RSRC1: variants seen among roughly 807,000 people sequenced by gnomAD.
RSRC1 encodes serine/Arginine-related protein 53.
Under a neutral mutation model 49.1 loss-of-function variants are expected in RSRC1, and 39 were observed. The ratio of observed to expected loss-of-function variants is 0.79; its 90% CI spans 0.61 to 1.04. The LOEUF is 1.04. Among genes scored for constraint, RSRC1 ranks in the 50% least tolerant of loss-of-function variants. The pLI, the probability that RSRC1 is intolerant of heterozygous loss-of-function variation, is 0.00. For missense variants in RSRC1, 388 were observed against 402.4 expected, an observed-to-expected ratio of 0.96 and a Z score of 0.31; for synonymous variants, 143 against 130.8, an observed-to-expected ratio of 1.09 and a Z score of -0.63.
intron 4 of RSRC1, among the ~76,000 whole-genome samples, chr3:158,207,663 A>G (rs1721419210): frequency 2.6e-5 from 1 of 38,690 alleles, no homozygotes; most frequent in Non-Finnish European, 4.8e-5. Context: ...ATAGATAGAT[A>G]GACAGAGAGA....
At chr3:158,128,914 T>C (rs1715807369) in intron 3 of RSRC1, among the ~76,000 whole-genome samples, 1 of 152,162 alleles carries the variant, frequency 6.6e-6, no homozygotes, top group Admixed American at 6.6e-5. Flanking sequence ...AGCTATGCAT[T>C]TTTGGCAAGA....
At chr3:158,450,074 G>C (rs916565091) in intron 6 of RSRC1, among the ~76,000 whole-genome samples, 1 of 151,904 alleles carries the variant, frequency 6.6e-6, no homozygotes, top group Non-Finnish European at 1.5e-5. Flanking sequence ...ACAGGGGTTT[G>C]TTTTTCCATT....
In RSRC1 at chr3:158,355,569, G is replaced by C. The variant is rs113304953; in HGVS notation, c.583+661G>C. Among the ~76,000 whole-genome samples the C allele has an allele frequency of 7.3e-3, 1,107 of 151,894 alleles. 16 individuals are homozygous for C. Among genetic ancestry groups the C allele is most frequent in the African/African-American group, 0.026 (1,074 of 41,460 alleles). ...GGATACCATGTACTCTTCAAGTGCT[G>C]TATGTTTTATTTCTCAAGGTACTAT... On this transcript the variant is annotated intron_variant, in intron 6 of 9. Transcript: ENST00000611884.
chr3:158,160,534 G>A (rs28569912), intron 3 of RSRC1, among the ~76,000 whole-genome samples: 2 of 152,072 alleles, frequency 1.3e-5, no homozygotes, highest in Non-Finnish European at 2.9e-5. Context: ...AAAATAAATT[G>A]TCATGAAAAT....
At chr3:158,454,421 G>A (rs1025856809) in intron 6 of RSRC1, among the ~76,000 whole-genome samples, 2 of 152,004 alleles carry the variant, frequency 1.3e-5, no homozygotes. Context: ...CTTCAATAAT[G>A]ATAATATTGT....
chr3:158,535,465 T>C (rs1043785396), intron 7 of RSRC1, among the ~76,000 whole-genome samples: 13 of 151,390 alleles, frequency 8.6e-5, no homozygotes, highest in African/African-American at 2.9e-4. Context: ...CTTCTAAAAG[T>C]ATGTACTTCA....
chr3:158,170,415 A>C (rs1325269217), intron 3 of RSRC1, among the ~76,000 whole-genome samples: 2 of 152,014 alleles, frequency 1.3e-5, no homozygotes, highest in Non-Finnish European at 2.9e-5. Flanking sequence ...ACAAGAAAGC[A>C]TACCTGTGAA....
intron 5 of RSRC1, among the ~76,000 whole-genome samples, chr3:158,326,621 A>G (rs908122021): frequency 2.6e-5 from 4 of 151,676 alleles, no homozygotes; most frequent in Non-Finnish European, 5.9e-5. Context: ...GTGCTGCTGG[A>G]TTTGGTTTGC....
At chr3:158,221,929 T>C (rs993883205) in intron 4 of RSRC1, among the ~76,000 whole-genome samples, 14 of 151,566 alleles carry the variant, frequency 9.2e-5, no homozygotes, top group African/African-American at 3.4e-4. Flanking sequence ...ACTTCCAACA[T>C]TTTCAGTATT....
chr3:158,254,875 A>G (rs1433889987), intron 4 of RSRC1, among the ~76,000 whole-genome samples: 1 of 152,110 alleles, frequency 6.6e-6, no homozygotes, highest in African/African-American at 2.4e-5. Context: ...TCTTTTGAGA[A>G]GTGTCTATTC....
chr3:158,229,422 A>G (rs1173973213), intron 4 of RSRC1, among the ~76,000 whole-genome samples: 1 of 149,798 alleles, frequency 6.7e-6, no homozygotes, highest in Non-Finnish European at 1.5e-5. Flanking sequence ...ATGTGTATGT[A>G]TGTATGTATA....
chr3:158,438,004 A>G (rs908661920), intron 6 of RSRC1, among the ~76,000 whole-genome samples: 2 of 152,226 alleles, frequency 1.3e-5, no homozygotes, highest in Admixed American at 6.5e-5. Flanking sequence ...GAAAATCACA[A>G]GCATTCCTAT....
intron 5 of RSRC1, among the ~76,000 whole-genome samples, chr3:158,340,916 A>C (rs1730200859): frequency 6.6e-6 from 1 of 152,228 alleles, no homozygotes; most frequent in Non-Finnish European, 1.5e-5. Flanking sequence ...AGGTGGTCAC[A>C]GATGGAGATG....
rs1230649090 is a variant in RSRC1, at chr3:158,353,995, C to CTTTTTTTTTTTTT, written c.532-853_532-841dup. On this transcript the variant is annotated intron_variant, in intron 5 of 9. Coordinates refer to ENST00000611884, the MANE Select transcript of RSRC1 (RefSeq NM_001271838.2). ...TAGGAAATTAGTTTAGTTTCTTTTT[C>CTTTTTTTTTTTTT]TTTTTTTTTTTTTTTTTTTTTGAGA... 6.2e-5 allele frequency among the ~76,000 whole-genome samples: 6 copies of CTTTTTTTTTTTTT among 96,300 alleles called. 1 individual carries two copies. The highest frequency in any genetic ancestry group is 8.2e-5 in the African/African-American group (2 of 24,272). 63.2% of individuals were successfully genotyped at this position (96,300 alleles called of 152,430 possible). A position where few individuals can be genotyped will look rare whatever the true frequency, so the allele number is the denominator to read the frequency against.
chr3:158,240,520 G>A (rs1288482621), intron 4 of RSRC1, among the ~76,000 whole-genome samples: 2 of 152,030 alleles, frequency 1.3e-5, no homozygotes, highest in Admixed American at 6.6e-5. Context: ...ATACATTGCT[G>A]GATTTGGTTT....
At chr3:158,442,274 A>G (rs925233580) in intron 6 of RSRC1, among the ~76,000 whole-genome samples, 3 of 152,116 alleles carry the variant, frequency 2.0e-5, no homozygotes, top group African/African-American at 7.2e-5. Flanking sequence ...ATGCAATGCT[A>G]TTAGATAGCA....
chr3:158,317,933 A>T (rs897043164), intron 5 of RSRC1, among the ~76,000 whole-genome samples: 1 of 152,238 alleles, frequency 6.6e-6, no homozygotes, highest in Non-Finnish European at 1.5e-5. Context: ...TCCAGCTCAC[A>T]GCCTGTGGCC....
At chr3:158,225,653 A>G in intron 4 of RSRC1, 1 of 449,576 alleles carries the variant, frequency 2.2e-6, no homozygotes, top group South Asian at 1.6e-5. Flanking sequence ...GGACTTTCTC[A>G]CAGATTTCAC....
chr3:158,389,023 C>T (rs1489881087), intron 6 of RSRC1, among the ~76,000 whole-genome samples: 1 of 151,952 alleles, frequency 6.6e-6, no homozygotes, highest in African/African-American at 2.4e-5. Context: ...AAATGTTGAG[C>T]AAACACAAAA....
Sources: allele counts gnomAD v4.1 joint callset (sites outside exome capture counted in the v4.1 genomes callset), GRCh38; gene constraint gnomAD v4.1.1; transcripts MANE v1.5; gene names NCBI Gene and HGNC (gene_info 2026-07-23, HGNC 2026-07-21).